GABRB1: variants seen among roughly 807,000 people sequenced by gnomAD.
The protein encoded by GABRB1 is gamma-aminobutyric acid type A receptor subunit beta1, also known as gamma-aminobutyric acid receptor subunit beta-1.
Under a neutral mutation model 51.6 loss-of-function variants are expected in GABRB1, and 17 were observed. The observed-to-expected ratio is 0.33, with a 90% CI of 0.23 to 0.49. The LOEUF is 0.49. Ranked by LOEUF, GABRB1 falls within the 20% of genes least tolerant of loss-of-function variation. The probability of loss-of-function intolerance (pLI) is 0.99; values close to 1 mark genes in which losing one functional copy is unlikely to be tolerated. For synonymous variants in GABRB1, 247 were observed against 218.9 expected (o/e 1.13, Z -1.14); for missense variants, 410 against 600.6 (o/e 0.68, Z 3.32).
At chr4:47,119,304 G>A (rs1715650557) in intron 3 of GABRB1, among the ~76,000 whole-genome samples, 1 of 151,746 alleles carries the variant, frequency 6.6e-6, no homozygotes, top group Non-Finnish European at 1.5e-5. Context: ...AAAACCCAAA[G>A]TAAAATATTC....
At chr4:47,024,814 A>T (rs1033223517) in intron 1 of GABRB1, among the ~76,000 whole-genome samples, 1 of 151,242 alleles carries the variant, frequency 6.6e-6, no homozygotes, top group Non-Finnish European at 1.5e-5. Context: ...GAGTGAAAAC[A>T]TATAATGTTT....
At chr4:47,264,208 GATAGAAAGAC>G (rs1489857774) in intron 4 of GABRB1, among the ~76,000 whole-genome samples, 2 of 152,194 alleles carry the variant, frequency 1.3e-5, no homozygotes, top group South Asian at 4.1e-4. Flanking sequence ...AAACAGAGTA[GATAGAAAGAC>G]TTCATAGGAA....
At chr4:47,243,504 T>C (rs1465669083) in intron 4 of GABRB1, among the ~76,000 whole-genome samples, 1 of 152,264 alleles carries the variant, frequency 6.6e-6, no homozygotes, top group Admixed American at 6.5e-5. Context: ...CAATATTGAT[T>C]CTTCCTACCC....
Position 47,180,459 on chromosome 4 carries a change from A to G in GABRB1, c.461+18990A>G, listed in dbSNP as rs566079641. ...ATTCACATCACAAGACAAAAATAAT[A>G]CTGAGTTTCCTGTGAAACGGAAAGT... On this transcript the variant is annotated intron_variant, in intron 4 of 8. Coordinates refer to ENST00000295454, the MANE Select transcript of GABRB1 (RefSeq NM_000812.4). Among the ~76,000 whole-genome samples the G allele has an allele frequency of 3.9e-5, 6 of 152,206 alleles. No homozygotes were observed. The South Asian group carries it at 1.2e-3, about 32-fold the overall frequency.
intron 4 of GABRB1, among the ~76,000 whole-genome samples, chr4:47,209,733 A>G (rs1334582982): frequency 1.3e-5 from 2 of 152,284 alleles, no homozygotes; most frequent in East Asian, 3.9e-4. Context: ...ACATCAATGT[A>G]TGAATGGCAT....
At chr4:47,248,686 T>A (rs1327613273) in intron 4 of GABRB1, among the ~76,000 whole-genome samples, 1 of 152,068 alleles carries the variant, frequency 6.6e-6, no homozygotes, top group East Asian at 1.9e-4. Context: ...ATCTCACTGC[T>A]TGTTATTGGT....
intron 3 of GABRB1, among the ~76,000 whole-genome samples, chr4:47,145,381 A>G (rs1717115608): frequency 6.6e-6 from 1 of 152,000 alleles, no homozygotes; most frequent in Non-Finnish European, 1.5e-5. Flanking sequence ...ATTTACATTC[A>G]TGTGCACTTG....
chr4:47,353,603 G>T (rs921223852), intron 5 of GABRB1, among the ~76,000 whole-genome samples: 3 of 152,050 alleles, frequency 2.0e-5, no homozygotes, highest in Non-Finnish European at 4.4e-5. Context: ...TAGTAAAATG[G>T]GAATGAATAC....
In GABRB1 at chr4:47,403,716, T is replaced by G. The variant is rs777418972; in HGVS notation, c.835+5T>G. ...CTGCAGCCAGAGTCGCACTAGGTAA[T>G]ACATTCTCAGCACTGCAGAGAGCTA... On this transcript the variant is annotated splice_donor_5th_base_variant and intron_variant, in intron 7 of 8. Coordinates refer to ENST00000295454, the MANE Select transcript of GABRB1 (RefSeq NM_000812.4). 28 of 1,611,442 alleles carry G rather than the reference T, an allele frequency of 1.7e-5. No homozygotes were observed. The highest frequency in any genetic ancestry group is 2.0e-5 in the Non-Finnish European group (24 of 1,179,788).
At chr4:47,329,111 A>T (rs1327770976) in intron 5 of GABRB1, among the ~76,000 whole-genome samples, 1 of 152,158 alleles carries the variant, frequency 6.6e-6, no homozygotes, top group Non-Finnish European at 1.5e-5. Context: ...GTAGTTCTAT[A>T]AAAGTCTGCC....
chr4:47,130,716 G>A (rs549530170), intron 3 of GABRB1, among the ~76,000 whole-genome samples: 35 of 152,076 alleles, frequency 2.3e-4, no homozygotes, highest in Admixed American at 1.0e-3. Flanking sequence ...GCAGTAGGTC[G>A]CAGGGATCAT....
intron 3 of GABRB1, among the ~76,000 whole-genome samples, chr4:47,116,878 A>G (rs1310578143): frequency 6.6e-6 from 1 of 152,124 alleles, no homozygotes; most frequent in Non-Finnish European, 1.5e-5. Flanking sequence ...GGCAAGGGGA[A>G]GCAGGCACCT....
chr4:47,196,668 A>G (rs1364848433), intron 4 of GABRB1, among the ~76,000 whole-genome samples: 1 of 152,196 alleles, frequency 6.6e-6, no homozygotes, highest in East Asian at 1.9e-4. Context: ...ACGTTTAGAC[A>G]TGTTGTTAGA....
At chr4:47,172,254 C>T (rs191625620) in intron 4 of GABRB1, among the ~76,000 whole-genome samples, 4 of 152,156 alleles carry the variant, frequency 2.6e-5, no homozygotes, top group Admixed American at 6.5e-5. Flanking sequence ...AAGGCTAGAG[C>T]ATTTAGAAAA....
intron 3 of GABRB1, among the ~76,000 whole-genome samples, chr4:47,059,822 T>A (rs755359103): frequency 6.6e-6 from 1 of 152,214 alleles, no homozygotes; most frequent in Non-Finnish European, 1.5e-5. Flanking sequence ...CCTCTAGCCC[T>A]GACACATCCT....
intron 1 of GABRB1, among the ~76,000 whole-genome samples, chr4:47,000,155 C>T (rs1724135263): frequency 6.6e-6 from 1 of 152,192 alleles, no homozygotes; most frequent in Non-Finnish European, 1.5e-5. Context: ...AATGATAATA[C>T]CTTCAGCCAA....
intron 5 of GABRB1, among the ~76,000 whole-genome samples, chr4:47,350,216 TATAG>T (rs1172554956): frequency 1.4e-3 from 101 of 73,788 alleles, no homozygotes; most frequent in African/African-American, 3.1e-3. Flanking sequence ...TATATATATA[TATAG>T]AGAGAGAGAG....
At chr4:47,052,965 G>A (rs1045708995) in intron 3 of GABRB1, among the ~76,000 whole-genome samples, 5 of 152,206 alleles carry the variant, frequency 3.3e-5, no homozygotes, top group African/African-American at 1.2e-4. Flanking sequence ...AGAGTAGAAT[G>A]AGGCGCTGTT....
chr4:47,112,854 T>C (rs1336078079), intron 3 of GABRB1, among the ~76,000 whole-genome samples: 2 of 152,188 alleles, frequency 1.3e-5, no homozygotes, highest in Non-Finnish European at 2.9e-5. Flanking sequence ...TGTGAAATTA[T>C]AAATATGTAT....
Sources: gnomAD v4.1 joint callset for allele counts (sites outside exome capture counted in the v4.1 genomes callset) on GRCh38, gnomAD v4.1.1 for gene constraint, MANE v1.5 for transcripts, NCBI Gene and HGNC (gene_info 2026-07-23, HGNC 2026-07-21) for gene names.